CTNNAL1: variants seen among roughly 807,000 people sequenced by gnomAD.
CTNNAL1 encodes catenin alpha like 1.
In CTNNAL1, 69 loss-of-function variants were observed where a neutral mutation model predicts 93.6. The observed-to-expected ratio is 0.74, with a 90% confidence interval of 0.61 to 0.90. The LOEUF is 0.90. CTNNAL1 is among the 40% of genes least tolerant of loss of function. CTNNAL1 has a pLI of 0.00. For missense variants in CTNNAL1, 836 were observed against 862.0 expected, an observed-to-expected ratio of 0.97 and a Z score of 0.38; for synonymous variants, 286 against 305.4, an observed-to-expected ratio of 0.94 and a Z score of 0.66.
At chr9:109,010,979 C>T (rs1223147416) in intron 1 of CTNNAL1, among the ~76,000 whole-genome samples, 1 of 152,150 alleles carries the variant, frequency 6.6e-6, no homozygotes, top group African/African-American at 2.4e-5. Flanking sequence ...ATATAAGCCC[C>T]TCAAAAAACA....
intron 10 of CTNNAL1, among the ~76,000 whole-genome samples, 173 bp downstream of exon 10, chr9:108,970,229 A>G (rs952149132): frequency 2.6e-5 from 4 of 152,266 alleles, no homozygotes; most frequent in South Asian, 4.1e-4. Context: ...ACCAGCTCCA[A>G]TGGAAGGTTA....
At chr9:109,000,645 C>T (rs4978767) in intron 1 of CTNNAL1, among the ~76,000 whole-genome samples, 53,304 of 149,706 alleles carry the variant, frequency 0.36, 9,722 homozygotes, top group Admixed American at 0.46. Flanking sequence ...GATAGCAAAG[C>T]AGTCAGACCA....
At chr9:108,983,692 A>T (rs1464380836) in intron 5 of CTNNAL1, among the ~76,000 whole-genome samples, 1 of 152,234 alleles carries the variant, frequency 6.6e-6, no homozygotes, top group African/African-American at 2.4e-5. Flanking sequence ...TGACTTTTAA[A>T]AAATGATGTA....
intron 8 of CTNNAL1, among the ~76,000 whole-genome samples, chr9:108,974,472 A>G (rs1831203715): frequency 6.6e-6 from 1 of 152,206 alleles, no homozygotes; most frequent in South Asian, 2.1e-4. Context: ...AGATTTCAAT[A>G]GACATATCAG....
intron 2 of CTNNAL1, among the ~76,000 whole-genome samples, chr9:108,996,109 C>T (rs566130972): frequency 2.6e-5 from 4 of 152,046 alleles, no homozygotes; most frequent in African/African-American, 4.8e-5. Flanking sequence ...ACTGGAGGCA[C>T]GCACCACCAC....
chr9:108,956,321 C>T (rs1021863614), intron 11 of CTNNAL1, among the ~76,000 whole-genome samples: 1 of 152,166 alleles, frequency 6.6e-6, no homozygotes, highest in Non-Finnish European at 1.5e-5. Context: ...AAGCAAATAA[C>T]AGGAGGTTTT....
At chr9:108,975,879 A>T (rs1831253348) in intron 8 of CTNNAL1, among the ~76,000 whole-genome samples, 3 of 152,188 alleles carry the variant, frequency 2.0e-5, no homozygotes, top group Admixed American at 1.3e-4. Context: ...TGAACACCTG[A>T]CTTAAAGTGA....
In CTNNAL1 at chr9:108,950,405, G is replaced by A. The variant is rs1587943922; in HGVS notation, c.1835+1804C>T. 6 of 1,240,802 alleles carry A rather than the reference G, an allele frequency of 4.8e-6. No individual in the cohort carries two copies. In the East Asian group the frequency reaches 1.5e-4, roughly 32 times the overall value. 76.9% of individuals were successfully genotyped at this position (1,240,802 alleles called of 1,614,324 possible). Reference sequence around the variant, plus strand: ...AGAACAATGGAAGGAAACCACCAAAGGAATGGTCTCCAATGATGGAAAATA... The same window carrying A: ...AGAACAATGGAAGGAAACCACCAAAAGAATGGTCTCCAATGATGGAAAATA... On this transcript the variant is annotated intron_variant, in intron 14 of 18. Transcript: ENST00000325551.
chr9:108,976,924 AAAG>A (rs1319042249), intron 8 of CTNNAL1, 35 bp downstream of exon 8: 1 of 847,076 alleles, frequency 1.2e-6, no homozygotes, highest in East Asian at 3.1e-5. Context: ...TGAAAATCAC[AAAG>A]AATTAGAAGA....
intron 10 of CTNNAL1, among the ~76,000 whole-genome samples, chr9:108,965,736 A>C (rs1830935029): frequency 6.6e-6 from 1 of 152,234 alleles, no homozygotes; most frequent in Non-Finnish European, 1.5e-5. Context: ...CTGCAGACAA[A>C]TAGTATGCAT....
chr9:108,969,482 T>C (rs1831048807), intron 10 of CTNNAL1, among the ~76,000 whole-genome samples: 3 of 152,194 alleles, frequency 2.0e-5, no homozygotes. Flanking sequence ...TCTCTATACA[T>C]ATGAAATTAT....
chr9:108,996,656 T>C (rs1038165636), intron 2 of CTNNAL1, among the ~76,000 whole-genome samples: 5 of 152,210 alleles, frequency 3.3e-5, no homozygotes, highest in African/African-American at 1.2e-4. Context: ...TGTCCTTTTG[T>C]TTAAAAATAC....
At chr9:108,955,690 G>A in intron 12 of CTNNAL1, 100 bp downstream of exon 12, 2 of 1,036,220 alleles carry the variant, frequency 1.9e-6, no homozygotes, top group Non-Finnish European at 2.9e-6. Flanking sequence ...TTTCTGTCAT[G>A]TCAATTATTT....
chr9:108,950,769 G>T (rs1168075010), intron 14 of CTNNAL1: 3 of 792,764 alleles, frequency 3.8e-6, no homozygotes, highest in Non-Finnish European at 3.8e-6. Flanking sequence ...TCTCTTGGAA[G>T]TGAAGCTGCC....
At chr9:108,994,587 G>T (rs1308158464) in intron 2 of CTNNAL1, among the ~76,000 whole-genome samples, 1 of 152,212 alleles carries the variant, frequency 6.6e-6, no homozygotes, top group African/African-American at 2.4e-5. Context: ...ACATGGACTG[G>T]TAATGCAGAC....
At chr9:108,955,930 G>A in intron 11 of CTNNAL1, 103 bp from the exon 12 acceptor site, 1 of 684,326 alleles carries the variant, frequency 1.5e-6, no homozygotes, top group Non-Finnish European at 2.3e-6. Context: ...AGGAATGTTA[G>A]TACATTAGTT....
At chr9:108,992,927 G>T in intron 2 of CTNNAL1, 108 bp from the exon 3 acceptor site, 1 of 1,216,822 alleles carries the variant, frequency 8.2e-7, no homozygotes, top group African/African-American at 1.5e-5. Context: ...CAGCTTTGGA[G>T]TCTTACTTCA....
intron 2 of CTNNAL1, among the ~76,000 whole-genome samples, chr9:108,993,565 C>A (rs999616475): frequency 6.6e-6 from 1 of 152,144 alleles, no homozygotes; most frequent in Non-Finnish European, 1.5e-5. Flanking sequence ...GAACTCCCAA[C>A]CCTCTAGAAA....
At position 108,965,498 on chromosome 9, in the gene CTNNAL1, G is replaced by A. The variant is rs757174333; in HGVS notation, c.1471C>T (p.His491Tyr). The change falls in exon 11 of 19, where the codon CAT (histidine) becomes TAT (tyrosine). Residue 491 changes from histidine to tyrosine, a missense_variant. By Grantham distance (83) the His-to-Tyr change is moderately conservative. Coordinates refer to ENST00000325551, the MANE Select transcript of CTNNAL1 (RefSeq NM_003798.4). ...TCTTTAGCAATTTTACTAGATGGAT[G>A]CAATGTCAATGTTTCAGCAGCAGAA... is the stretch of plus-strand genomic sequence containing the variant. Reference protein sequence around the residue: ...IISAAETLTLHPSSKIAKENL... With the variant: ...IISAAETLTLYPSSKIAKENL... 24 of 1,580,736 alleles carry A rather than the reference G, an allele frequency of 1.5e-5. No homozygotes were observed. Among genetic ancestry groups the A allele is most frequent in the Admixed American group, 3.7e-5 (2 of 54,168 alleles).
Sources: gnomAD v4.1 joint callset for allele counts (sites outside exome capture counted in the v4.1 genomes callset) on GRCh38, gnomAD v4.1.1 for gene constraint, MANE v1.5 for transcripts, NCBI Gene and HGNC (gene_info 2026-07-23, HGNC 2026-07-21) for gene names.